Variants in MYRIP observed in about 807,000 individuals in gnomAD.
The protein encoded by MYRIP is myosin VIIA and Rab interacting protein.
MYRIP carries 49 observed loss-of-function variants against 98.0 expected under a neutral mutation model. The observed-to-expected ratio is 0.50, with a 90% CI of 0.40 to 0.63. MYRIP has a LOEUF of 0.63. MYRIP is among the 30% of genes least tolerant of loss of function. The pLI is 0.00. For missense variants in MYRIP, 1,004 were observed against 1,058.2 expected, an observed-to-expected ratio of 0.95 and a Z score of 0.71; for synonymous variants, 404 against 409.5, an observed-to-expected ratio of 0.99 and a Z score of 0.16.
chr3:39,917,005 C>T (rs1372594101), intron 2 of MYRIP, among the ~76,000 whole-genome samples: 4 of 151,776 alleles, frequency 2.6e-5, no homozygotes, highest in Admixed American at 1.3e-4. Flanking sequence ...AAATAACTAA[C>T]CATTTAAAGC....
chr3:39,984,403 A>G lies in MYRIP; in HGVS notation c.111-59647A>G, dbSNP rs1945976698. Reference sequence around the variant, plus strand: ...CCCCCCATCCCACAACAGTCCCCAGAGTGTGATGTTCCCCTTCCTGTGTCC... The same window carrying G: ...CCCCCCATCCCACAACAGTCCCCAGGGTGTGATGTTCCCCTTCCTGTGTCC... On this transcript the variant is annotated intron_variant, in intron 2 of 16. Transcript: ENST00000302541. 3.3e-5 allele frequency among the ~76,000 whole-genome samples: 5 copies of G among 151,174 alleles called. No individual in the cohort carries two copies. The South Asian group carries it at 1.0e-3, about 32-fold the overall frequency.
At chr3:39,866,679 T>C (rs1456640740) in intron 1 of MYRIP, among the ~76,000 whole-genome samples, 1 of 151,988 alleles carries the variant, frequency 6.6e-6, no homozygotes, top group East Asian at 1.9e-4. Flanking sequence ...TGAAAGAAAC[T>C]GAAAACAAAC....
chr3:40,044,244 G>C lies in MYRIP; in HGVS notation c.305G>C (p.Trp102Ser). The change falls in exon 3 of 17, where the codon TGG (tryptophan) becomes TCG (serine). Residue 102 changes from tryptophan (W) to serine (S), a missense_variant. Physicochemically the swap from Trp to Ser is radical, Grantham distance 177. Coordinates refer to ENST00000302541, the MANE Select transcript of MYRIP (RefSeq NM_015460.4). ...TCCTACCAGAAGCACGAAAAGGCCT[G>C]GGTCTGCTGCGTCTGCCAGCAAGCG... is the stretch of plus-strand genomic sequence containing the variant. Reference protein sequence around the residue: ...CCSYQKHEKAWVCCVCQQARL... With the variant: ...CCSYQKHEKASVCCVCQQARL... 1.9e-6 allele frequency: 3 copies of C among 1,614,210 alleles called. No homozygotes were observed. The South Asian group carries it at 3.3e-5, about 18-fold the overall frequency.
intron 1 of MYRIP, among the ~76,000 whole-genome samples, chr3:39,891,631 A>G (rs1943491084): frequency 6.6e-6 from 1 of 152,086 alleles, no homozygotes; most frequent in Non-Finnish European, 1.5e-5. Flanking sequence ...ATTACAGTCT[A>G]CTTTTTGAAA....
intron 2 of MYRIP, among the ~76,000 whole-genome samples, chr3:40,001,441 G>A (rs1575454530): frequency 6.6e-6 from 1 of 152,204 alleles, no homozygotes; most frequent in Non-Finnish European, 1.5e-5. Flanking sequence ...TCACTGGTAA[G>A]TACAGCTGCT....
intron 12 of MYRIP, 42 bp downstream of exon 12, chr3:40,234,095 T>C (rs776522955): frequency 1.3e-6 from 2 of 1,543,962 alleles, no homozygotes; most frequent in South Asian, 2.5e-5. Flanking sequence ...TGAATGTATG[T>C]GAAGAAGAAG....
chr3:40,147,433 C>T (rs1046368529), intron 3 of MYRIP, among the ~76,000 whole-genome samples: 1 of 152,132 alleles, frequency 6.6e-6, no homozygotes, highest in African/African-American at 2.4e-5. Context: ...AACAAATGCA[C>T]ATGTCTTGAC....
chr3:39,988,313 T>TA lies in MYRIP; in HGVS notation c.111-55726dup, dbSNP rs59720924. On this transcript the variant is annotated intron_variant, in intron 2 of 16. Coordinates refer to ENST00000302541, the MANE Select transcript of MYRIP (RefSeq NM_015460.4). ...TACCCTAAAACTTAAAGTATAATGATAAAAAAAAAAAGATTGTTGAATATT... is the reference window on the plus strand; with the variant it reads ...TACCCTAAAACTTAAAGTATAATGATAAAAAAAAAAAAGATTGTTGAATATT... 6.1e-3 allele frequency among the ~76,000 whole-genome samples: 903 copies of TA among 147,454 alleles called. 6 individuals are homozygous for TA. Among genetic ancestry groups the TA allele is most frequent in the African/African-American group, 0.018 (720 of 40,844 alleles).
At chr3:40,253,393 T>G (rs572376458) in intron 16 of MYRIP, among the ~76,000 whole-genome samples, 2 of 152,240 alleles carry the variant, frequency 1.3e-5, no homozygotes, top group Non-Finnish European at 2.9e-5. Context: ...TGTCTCTTAC[T>G]TTTAATCAGT....
At chr3:40,137,575 C>A (rs1949806740) in intron 3 of MYRIP, among the ~76,000 whole-genome samples, 1 of 152,160 alleles carries the variant, frequency 6.6e-6, no homozygotes, top group Admixed American at 6.5e-5. Context: ...GGCACAGACA[C>A]AAGCAAAAAA....
At position 40,169,960 on chromosome 3, in the gene MYRIP, A is replaced by G; in HGVS notation, c.740A>G (p.Lys247Arg). The G allele has an allele frequency of 1.2e-6, 2 of 1,614,166 alleles. No individual in the cohort carries two copies. The highest frequency in any genetic ancestry group is 1.7e-6 in the Non-Finnish European group (2 of 1,180,024). ...ATTILQKIIRKQKSKSEQQVE... is the reference protein window; with the variant it reads ...ATTILQKIIRRQKSKSEQQVE... The stretch of plus-strand genomic sequence containing the variant: ...TCCTCCCCTCCCCAGATTATACGAA[A>G]ACAGAAGAGCAAAAGTGAGCAGCAA... Residue 247 changes from lysine to arginine, a missense_variant, in exon 8 of 17, where the codon AAA becomes AGA. Coordinates refer to ENST00000302541, the MANE Select transcript of MYRIP (RefSeq NM_015460.4).
At chr3:39,836,926 AG>A (rs1299156111) in intron 1 of MYRIP, among the ~76,000 whole-genome samples, 1 of 152,164 alleles carries the variant, frequency 6.6e-6, no homozygotes, top group East Asian at 1.9e-4. Context: ...CTGGCTCAAA[AG>A]TTAGTTAATG....
chr3:39,850,205 C>T (rs1942088635), intron 1 of MYRIP, among the ~76,000 whole-genome samples: 1 of 152,218 alleles, frequency 6.6e-6, no homozygotes, highest in Non-Finnish European at 1.5e-5. Context: ...GACTGGGAAG[C>T]TGTCTATCAG....
intron 3 of MYRIP, among the ~76,000 whole-genome samples, chr3:40,130,999 T>C (rs1370944102): frequency 6.6e-6 from 1 of 152,172 alleles, no homozygotes; most frequent in Non-Finnish European, 1.5e-5. Flanking sequence ...TGAACTAGAC[T>C]TGGCACTGCA....
At chr3:40,212,121 T>C (rs1292283799) in intron 11 of MYRIP, among the ~76,000 whole-genome samples, 1 of 60,050 alleles carries the variant, frequency 1.7e-5, no homozygotes, top group African/African-American at 4.3e-5. Context: ...TATATACATA[T>C]ATATACGTGT....
In MYRIP at chr3:39,977,240, G is replaced by C. The variant is rs567905229; in HGVS notation, c.111-66810G>C. 4.5e-4 allele frequency among the ~76,000 whole-genome samples: 69 copies of C among 152,212 alleles called. No homozygotes were observed. In the South Asian group the frequency reaches 0.011, roughly 25 times the overall value. ...CGTGAGAGAGGAAGTGTGCATTAAG[G>C]GGGAGTCCATGCTGAGGACTAGAAG... On this transcript the variant is annotated intron_variant, in intron 2 of 16. Coordinates refer to ENST00000302541, the MANE Select transcript of MYRIP (RefSeq NM_015460.4).
At chr3:39,823,555 G>T (rs1045067171) in intron 1 of MYRIP, among the ~76,000 whole-genome samples, 1 of 152,138 alleles carries the variant, frequency 6.6e-6, no homozygotes, top group Non-Finnish European at 1.5e-5. Flanking sequence ...CCTAACTGGG[G>T]TAAGATGAAG....
At chr3:39,939,258 T>C (rs76291458) in intron 2 of MYRIP, among the ~76,000 whole-genome samples, 2,328 of 152,238 alleles carry the variant, frequency 0.015, 45 homozygotes, top group East Asian at 0.095. Flanking sequence ...TAAGGAATTT[T>C]GACATGAAAC....
At chr3:39,995,791 G>A (rs1946335532) in intron 2 of MYRIP, among the ~76,000 whole-genome samples, 1 of 152,176 alleles carries the variant, frequency 6.6e-6, no homozygotes, top group African/African-American at 2.4e-5. Flanking sequence ...AGAGAGAAAG[G>A]TCGGGTTACC....
Sources: gnomAD v4.1 joint callset for allele counts (sites outside exome capture counted in the v4.1 genomes callset) on GRCh38, gnomAD v4.1.1 for gene constraint, MANE v1.5 for transcripts, NCBI Gene and HGNC (gene_info 2026-07-23, HGNC 2026-07-21) for gene names.